The following OMD variants were observed in gnomAD, a reference collection of about 807,000 sequenced individuals.
OMD encodes KSPG osteomodulin.
A neutral mutation model predicts 31.2 loss-of-function variants in OMD; 19 were observed. The observed-to-expected ratio is 0.61, with a 90% CI of 0.42 to 0.89. OMD has a LOEUF of 0.89. OMD is among the 40% of genes least tolerant of loss of function. The pLI is 0.00. For synonymous variants in OMD, 155 were observed against 166.4 expected (o/e 0.93, Z 0.53); for missense variants, 448 against 490.8 (o/e 0.91, Z 0.82).
intron 1 of OMD, among the ~76,000 whole-genome samples, chr9:92,422,792 C>T (rs72752472): frequency 0.031 from 4,708 of 152,284 alleles, 113 homozygotes; most frequent in South Asian, 0.084. Context: ...TTACAACAAT[C>T]TCTTATTTTA....
chr9:92,420,838 T>C (rs1443069711), intron 1 of OMD, among the ~76,000 whole-genome samples: 1 of 152,192 alleles, frequency 6.6e-6, no homozygotes, highest in Non-Finnish European at 1.5e-5. Flanking sequence ...TTTCTTTCTT[T>C]TCTGTGAGAT....
chr9:92,421,258 A>G (rs1843783980), intron 1 of OMD, among the ~76,000 whole-genome samples: 2 of 152,144 alleles, frequency 1.3e-5, no homozygotes, highest in African/African-American at 4.8e-5. Context: ...CAGGCTGGTC[A>G]TGAACTTCTG....
intron 2 of OMD, among the ~76,000 whole-genome samples, chr9:92,416,058 G>GTGTGTGTGTA (rs6151074): frequency 1.5e-5 from 2 of 130,932 alleles, no homozygotes; most frequent in Admixed American, 8.5e-5. Context: ...ATATATGTGT[G>GTGTGTGTGTA]TATATATATA....
intron 2 of OMD, among the ~76,000 whole-genome samples, chr9:92,416,366 A>G (rs544840240): frequency 6.6e-6 from 1 of 152,076 alleles, no homozygotes; most frequent in East Asian, 1.9e-4. Context: ...TAGCCTCCCA[A>G]AGTGCTCTGA....
chr9:92,416,058 G>GTGTGTGTGTATATA (rs6151074), intron 2 of OMD, among the ~76,000 whole-genome samples: 89 of 130,930 alleles, frequency 6.8e-4, no homozygotes, highest in Non-Finnish European at 7.7e-4. Context: ...ATATATGTGT[G>GTGTGTGTGTATATA]TATATATATA....
intron 1 of OMD, among the ~76,000 whole-genome samples, chr9:92,420,305 T>C (rs1052709020): frequency 6.6e-6 from 1 of 152,212 alleles, no homozygotes; most frequent in Non-Finnish European, 1.5e-5. Flanking sequence ...TGTCAGTTCC[T>C]TCTTACCAAC....
At chr9:92,421,929 G>T (rs2130970621) in intron 1 of OMD, among the ~76,000 whole-genome samples, 1 of 152,176 alleles carries the variant, frequency 6.6e-6, no homozygotes, top group Middle Eastern at 3.4e-3. Context: ...GACATCATTT[G>T]ACCCAGACTT....
Position 92,415,467 on chromosome 9 carries a change from A to T in OMD, c.951T>A (p.Leu317=), listed in dbSNP as rs772362041. Residue 317 remains leucine (L), a synonymous_variant, in exon 3 of 3, where the codon CTT becomes CTA. Coordinates refer to ENST00000375550, the MANE Select transcript of OMD (RefSeq NM_005014.3). ...LQNNEIEKMN[L]TVMCPSIDPL... ...GGTCAATAGAAGGACACATCACTGT[A>T]AGATTCATCTCTGAAAGAAATAAAT... 33 of 1,580,084 alleles carry T rather than the reference A, an allele frequency of 2.1e-5. No homozygotes were observed. The highest frequency in any genetic ancestry group is 2.2e-5 in the Non-Finnish European group (25 of 1,162,336).
chr9:92,415,398 A>G lies in OMD; in HGVS notation c.1020T>C (p.Asn340=). Residue 340 remains asparagine, a synonymous_variant, in exon 3 of 3, where the codon AAT becomes AAC. Transcript: ENST00000375550. ...HHLTYIRVDQ[N]KLKEPISSYI... ...ATGAGCTTATTGGTTCTTTTAGTTT[A>G]TTTTGGTCCACACGAATGTATGTTA... The G allele has an allele frequency of 6.2e-7, 1 of 1,613,664 alleles. No individual in the cohort carries two copies. The highest frequency in any genetic ancestry group is 8.5e-7 in the Non-Finnish European group (1 of 1,179,794).
intron 1 of OMD, among the ~76,000 whole-genome samples, chr9:92,420,758 T>G (rs1468825235): frequency 7.0e-6 from 1 of 142,644 alleles, no homozygotes. Context: ...TTTGTTTTTG[T>G]TTTTTTTTTA....
intron 1 of OMD, among the ~76,000 whole-genome samples, chr9:92,422,807 A>C (rs1024675952): frequency 6.6e-6 from 1 of 152,178 alleles, no homozygotes; most frequent in Non-Finnish European, 1.5e-5. Context: ...ATTTTATCCA[A>C]ATTTTTCATT....
rs769302451 is a variant in OMD at position 92,415,443 on chromosome 9, G to A, written c.975C>T (p.Asp325=). Residue 325 remains aspartate (D), a synonymous_variant, in exon 3 of 3, where the codon GAC becomes GAT. Transcript: ENST00000375550. ...MNLTVMCPSI[D]PLHYHHLTYI... ...ATGTTAAATGGTGGTAATGTAGTGG[G>A]TCAATAGAAGGACACATCACTGTAA... The A allele has an allele frequency of 1.9e-6, 3 of 1,611,510 alleles. No individual in the cohort carries two copies. Among genetic ancestry groups the A allele is most frequent in the Non-Finnish European group, 2.5e-6 (3 of 1,178,754 alleles).
In OMD at chr9:92,416,736, T is replaced by C. The variant is rs1843624693; in HGVS notation, c.823A>G (p.Asn275Asp). ...ACAATGTTGGGAAGATTAAAAATAT[T>C]ATATGGGATGTCTTGTAGTTTGTTG... ...SHNKLQDIPY[N>D]IFNLPNIVEL... is the part of the protein sequence containing the mutation. Residue 275 changes from asparagine to aspartate, a missense_variant, in exon 2 of 3, where the codon AAT (asparagine) becomes GAT (aspartate). Physicochemically the swap from Asn to Asp is conservative, Grantham distance 23. Coordinates refer to ENST00000375550, the MANE Select transcript of OMD (RefSeq NM_005014.3). 1.2e-6 allele frequency: 2 copies of C among 1,613,454 alleles called. No homozygotes were observed. Among genetic ancestry groups the C allele is most frequent in the Non-Finnish European group, 1.7e-6 (2 of 1,179,588 alleles).
rs570096573 is a variant in OMD, at chr9:92,413,287, A to G, written c.*1865T>C. 1.3e-5 allele frequency among the ~76,000 whole-genome samples: 2 copies of G among 151,966 alleles called. No individual in the cohort carries two copies. The highest frequency in any genetic ancestry group is 2.9e-5 in the Non-Finnish European group (2 of 67,998). ...CAGGTGTGAGCTAATGCGCCCGACTATATGTAACTAACTTTTTAAGGAACT... is the reference window on the plus strand; with the variant it reads ...CAGGTGTGAGCTAATGCGCCCGACTGTATGTAACTAACTTTTTAAGGAACT... On this transcript the variant is annotated 3_prime_UTR_variant, in exon 3 of 3. Coordinates refer to ENST00000375550, the MANE Select transcript of OMD (RefSeq NM_005014.3).
At position 92,417,054 on chromosome 9, in the gene OMD, G is replaced by T; in HGVS notation, c.505C>A (p.Leu169Ile). The T allele has an allele frequency of 6.2e-7, 1 of 1,614,002 alleles. No homozygotes were observed. The highest frequency in any genetic ancestry group is 1.7e-4 in the Middle Eastern group (1 of 6,060). Residue 169 changes from leucine (L) to isoleucine (I), a missense_variant, in exon 2 of 3, where the codon CTT becomes ATT. Physicochemically the swap from Leu to Ile is conservative, Grantham distance 5 (BLOSUM62 2). Coordinates refer to ENST00000375550, the MANE Select transcript of OMD (RefSeq NM_005014.3). ...AGTTTGGAGATTTCATTGTAACCAA[G>T]AAGGAGTCTTTCCAGAGATTTAGGA... ...PLPKSLERLL[L>I]GYNEISKLQT...
intron 1 of OMD, 60 bp from the exon 2 acceptor site, chr9:92,417,634 GTATA>G (rs1424913071): frequency 1.2e-6 from 1 of 852,056 alleles, no homozygotes; most frequent in East Asian, 2.6e-5. Context: ...AATACGCTTT[GTATA>G]AATTCTCAGT....
At chr9:92,418,303 T>C (rs957798693) in intron 1 of OMD, among the ~76,000 whole-genome samples, 2 of 151,638 alleles carry the variant, frequency 1.3e-5, no homozygotes, top group Non-Finnish European at 2.9e-5. Flanking sequence ...GCCAGGCTGG[T>C]CTCTAACTCC....
intron 2 of OMD, among the ~76,000 whole-genome samples, chr9:92,416,050 A>G (rs1281527111): frequency 0.033 from 3,002 of 91,880 alleles, 57 homozygotes; most frequent in South Asian, 0.11. Flanking sequence ...AATATATTAT[A>G]TATGTGTGTA....
chr9:92,419,662 T>C (rs1260811408), intron 1 of OMD, among the ~76,000 whole-genome samples: 2 of 152,224 alleles, frequency 1.3e-5, no homozygotes, highest in African/African-American at 4.8e-5. Context: ...GAGCTATGCA[T>C]GTACAAGTAC....
Sources: allele counts gnomAD v4.1 joint callset (sites outside exome capture counted in the v4.1 genomes callset), GRCh38; gene constraint gnomAD v4.1.1; transcripts MANE v1.5; gene names NCBI Gene and HGNC (gene_info 2026-07-23, HGNC 2026-07-21).